The following TENM1 variants were observed in gnomAD, a reference collection of about 807,000 sequenced individuals.
The protein encoded by TENM1 is teneurin-1.
Under a neutral mutation model 174.8 loss-of-function variants are expected in TENM1, and 35 were observed. That is an observed-to-expected ratio of 0.20 (90% CI 0.15 to 0.27). TENM1 has a LOEUF of 0.27. Ranked by LOEUF, TENM1 falls within the 10% of genes least tolerant of loss-of-function variation. The probability of loss-of-function intolerance (pLI) is 1.00; values close to 1 mark genes in which losing one functional copy is unlikely to be tolerated. For missense variants in TENM1, 1,633 were observed against 2,130.1 expected, an observed-to-expected ratio of 0.77 and a Z score of 4.59; for synonymous variants, 781 against 798.7, an observed-to-expected ratio of 0.98 and a Z score of 0.37.
chrX:125,015,421 T>A, the TENM1 span, among the ~76,000 whole-genome samples: 1 of 111,561 alleles, frequency 9.0e-6, no homozygotes, highest in Admixed American at 9.5e-5. Context: ...CTTGATAATT[T>A]AGTAAGAAAA....
intron 1 of TENM1, among the ~76,000 whole-genome samples, chrX:124,910,226 T>C (rs1229669384): frequency 1.8e-5 from 2 of 112,404 alleles, no homozygotes; most frequent in Non-Finnish European, 3.8e-5. Flanking sequence ...AGAAAGCAAA[T>C]GCAAACAGCA....
At chrX:124,393,761 G>A (rs1018149424) in intron 27 of TENM1, among the ~76,000 whole-genome samples, 3 of 111,089 alleles carry the variant, frequency 2.7e-5, no homozygotes, top group South Asian at 7.6e-4. Context: ...TAGTGTATCC[G>A]GCAGGAACAA....
At chrX:124,866,898 G>T (rs992121566) in intron 3 of TENM1, among the ~76,000 whole-genome samples, 4 of 111,007 alleles carry the variant, frequency 3.6e-5, no homozygotes, top group African/African-American at 1.3e-4. Context: ...AAATCTAGAA[G>T]AAATGGACAA....
chrX:125,086,405 A>C, the TENM1 span, among the ~76,000 whole-genome samples: 1,642 of 110,797 alleles, frequency 0.015, 24 homozygotes, highest in African/African-American at 0.051. Flanking sequence ...ATAATCAACT[A>C]AACAGAAAAA....
chrX:124,820,488 C>T (rs1011867927), intron 3 of TENM1, among the ~76,000 whole-genome samples: 1 of 111,414 alleles, frequency 9.0e-6, no homozygotes, highest in Non-Finnish European at 1.9e-5. Flanking sequence ...ATCACAAAGT[C>T]CCAGCATTAG....
At chrX:125,159,836 G>A in the TENM1 span, among the ~76,000 whole-genome samples, 1 of 111,824 alleles carries the variant, frequency 8.9e-6, no homozygotes, top group African/African-American at 3.3e-5. Context: ...CAGTGCATGA[G>A]CACATGAAGA....
At chrX:125,145,674 A>G in the TENM1 span, among the ~76,000 whole-genome samples, 1 of 112,354 alleles carries the variant, frequency 8.9e-6, no homozygotes. Flanking sequence ...CAAAAAAGAC[A>G]AATTAAAATT....
intron 3 of TENM1, among the ~76,000 whole-genome samples, chrX:124,807,490 A>G (rs2055633806): frequency 8.9e-6 from 1 of 112,319 alleles, no homozygotes; most frequent in African/African-American, 3.2e-5. Flanking sequence ...ATATCATCTG[A>G]AAGTATAAAA....
At chrX:124,435,826 G>T (rs2060830851) in intron 23 of TENM1, among the ~76,000 whole-genome samples, 1 of 111,710 alleles carries the variant, frequency 9.0e-6, no homozygotes, top group Non-Finnish European at 1.9e-5. Flanking sequence ...CATGCTTCTA[G>T]AACTCTGGAG....
In TENM1 at chrX:124,455,064, G is replaced by A. The variant is rs185269878; in HGVS notation, c.3950-1573C>T. Among the ~76,000 whole-genome samples, 125 of 112,165 alleles carry A rather than the reference G, an allele frequency of 1.1e-3. 2 individuals are homozygous for A. The highest frequency in any genetic ancestry group is 2.3e-3 in the Admixed American group (24 of 10,589). On this transcript the variant is annotated intron_variant, in intron 22 of 31. Transcript: ENST00000422452. ...TTTAGATGAACTAATTCATTGGCAG[G>A]AAGTTAATATTAAGACTTGGCTTTA...
chrX:124,607,841 G>C (rs374632951), intron 11 of TENM1, among the ~76,000 whole-genome samples: 1 of 111,251 alleles, frequency 9.0e-6, no homozygotes, highest in African/African-American at 3.3e-5. Context: ...TGGTGGCCTG[G>C]GACCAGGACA....
At chrX:124,394,866 T>TG (rs1400712564) in intron 27 of TENM1, among the ~76,000 whole-genome samples, 5 of 112,161 alleles carry the variant, frequency 4.5e-5, no homozygotes, top group Admixed American at 1.9e-4. Context: ...TGGTTGCATG[T>TG]CTTACTACAT....
intron 23 of TENM1, among the ~76,000 whole-genome samples, chrX:124,447,242 C>T (rs2060974620): frequency 9.0e-6 from 1 of 111,595 alleles, no homozygotes; most frequent in African/African-American, 3.3e-5. Flanking sequence ...GCCAATCTGT[C>T]ACAGTTGTCT....
chrX:125,124,729 G>C, the TENM1 span, among the ~76,000 whole-genome samples: 6 of 112,404 alleles, frequency 5.3e-5, no homozygotes, highest in African/African-American at 1.9e-4. Flanking sequence ...AACTTAAAGT[G>C]TGTAAGATGT....
chrX:125,121,242 GA>G, the TENM1 span, among the ~76,000 whole-genome samples: 1 of 111,171 alleles, frequency 9.0e-6, no homozygotes, highest in South Asian at 3.8e-4. Flanking sequence ...AGAAGACTAT[GA>G]AATGACAAGA....
chrX:124,966,188 A>G (rs5958636), upstream of TENM1, among the ~76,000 whole-genome samples: 847 of 111,292 alleles, frequency 7.6e-3, 12 homozygotes, highest in African/African-American at 0.026. Flanking sequence ...TTGTTTCCTA[A>G]TTGGTTTCCT....
At chrX:125,168,993 G>GT in the TENM1 span, among the ~76,000 whole-genome samples, 5,910 of 109,550 alleles carry the variant, frequency 0.054, 414 homozygotes, top group African/African-American at 0.19. Flanking sequence ...TGTGTGTGTG[G>GT]GTGTGTGTGT....
At chrX:124,746,475 T>C (rs776660948) in intron 3 of TENM1, among the ~76,000 whole-genome samples, 11 of 112,090 alleles carry the variant, frequency 9.8e-5, no homozygotes, top group African/African-American at 2.9e-4. Flanking sequence ...TTATAAACTT[T>C]GCTTATGCTA....
At chrX:124,695,682 A>G (rs1240029403) in intron 5 of TENM1, among the ~76,000 whole-genome samples, 1 of 112,022 alleles carries the variant, frequency 8.9e-6, no homozygotes, top group Non-Finnish European at 1.9e-5. Flanking sequence ...CATGCTAACA[A>G]TGAATTATGC....
Sources: allele counts gnomAD v4.1 joint callset (sites outside exome capture counted in the v4.1 genomes callset), GRCh38; gene constraint gnomAD v4.1.1; transcripts MANE v1.5; gene names NCBI Gene and HGNC (gene_info 2026-07-23, HGNC 2026-07-21).